Variants in SMAD3 observed in about 807,000 individuals in gnomAD.
The protein encoded by SMAD3 is SMAD family member 3.
A neutral mutation model predicts 51.8 loss-of-function variants in SMAD3; 12 were observed. The observed-to-expected ratio is 0.23, with a 90% CI of 0.15 to 0.38. SMAD3 has a LOEUF of 0.38. Among genes scored for constraint, SMAD3 ranks in the 10% least tolerant of loss-of-function variants. The pLI, the probability that SMAD3 is intolerant of heterozygous loss-of-function variation, is 1.00. For missense variants in SMAD3, 294 were observed against 565.6 expected (o/e 0.52, Z 4.87); for synonymous variants, 238 against 227.7 (o/e 1.05, Z -0.41).
chr15:67,075,877 T>G (rs1451607877), intron 1 of SMAD3, among the ~76,000 whole-genome samples: 1 of 151,034 alleles, frequency 6.6e-6, no homozygotes. Flanking sequence ...ATCGCACCAT[T>G]GTACTCCAGC....
At chr15:67,122,306 G>A (rs1167422721) in intron 1 of SMAD3, among the ~76,000 whole-genome samples, 1 of 152,174 alleles carries the variant, frequency 6.6e-6, no homozygotes, top group African/African-American at 2.4e-5. Flanking sequence ...GTTAGCCTGG[G>A]GGTACTGTGC....
At chr15:67,141,414 T>A (rs1961817643) in intron 1 of SMAD3, among the ~76,000 whole-genome samples, 1 of 152,158 alleles carries the variant, frequency 6.6e-6, no homozygotes. Context: ...TGGGAGGAAC[T>A]TCAGTGGGGG....
chr15:67,073,142 C>T (rs1960092972), intron 1 of SMAD3, among the ~76,000 whole-genome samples: 1 of 151,722 alleles, frequency 6.6e-6, no homozygotes, highest in Non-Finnish European at 1.5e-5. Flanking sequence ...ACCACATCCC[C>T]CAAGCTCTGC....
intron 1 of SMAD3, among the ~76,000 whole-genome samples, chr15:67,122,323 G>A (rs1961283552): frequency 6.6e-6 from 1 of 152,226 alleles, no homozygotes; most frequent in African/African-American, 2.4e-5. Context: ...GTGCGGGTCA[G>A]CTCTTTTGCT....
At chr15:67,139,956 T>TA (rs11299358) in intron 1 of SMAD3, among the ~76,000 whole-genome samples, 76,776 of 150,556 alleles carry the variant, frequency 0.51, 19,539 homozygotes, top group East Asian at 0.64. Context: ...CCGTCTCTAC[T>TA]AAAAAAAAAT....
chr15:67,145,469 T>C (rs1961950675), intron 1 of SMAD3, among the ~76,000 whole-genome samples: 1 of 152,152 alleles, frequency 6.6e-6, no homozygotes, highest in South Asian at 2.1e-4. Flanking sequence ...AAAGACAAAA[T>C]AATTCTCCCA....
chr15:67,184,902 C>T, intron 7 of SMAD3, 38 bp downstream of exon 7: 1 of 1,611,770 alleles, frequency 6.2e-7, no homozygotes, highest in Non-Finnish European at 8.5e-7. Context: ...CTTGAGGTCC[C>T]TCTCCGAGTG....
intron 1 of SMAD3, among the ~76,000 whole-genome samples, chr15:67,107,467 T>A (rs1480839421): frequency 6.6e-6 from 1 of 152,124 alleles, no homozygotes; most frequent in Admixed American, 6.5e-5. Flanking sequence ...TGCCATGCCC[T>A]CCTGCCCTCC....
intron 3 of SMAD3, chr15:67,166,523 C>G (rs139127443): frequency 1.7e-6 from 1 of 576,554 alleles, no homozygotes; most frequent in Non-Finnish European, 3.1e-6. Flanking sequence ...GGCAGAGGCT[C>G]TAGGAGTACA....
chr15:67,116,764 G>T (rs1416576573), intron 1 of SMAD3, among the ~76,000 whole-genome samples: 1 of 152,198 alleles, frequency 6.6e-6, no homozygotes, highest in African/African-American at 2.4e-5. Flanking sequence ...GACCCTTGGT[G>T]ATGGGGGTAT....
At chr15:67,177,253 G>C (rs1341906049) in intron 5 of SMAD3, among the ~76,000 whole-genome samples, 1 of 152,022 alleles carries the variant, frequency 6.6e-6, no homozygotes, top group South Asian at 2.1e-4. Flanking sequence ...TTTTTGTCTT[G>C]TCTACTAGGA....
At chr15:67,076,233 C>T (rs575750502) in intron 1 of SMAD3, among the ~76,000 whole-genome samples, 5 of 152,250 alleles carry the variant, frequency 3.3e-5, no homozygotes, top group South Asian at 4.1e-4. Flanking sequence ...TATTCTTAGG[C>T]GGTTCTGCCC....
At chr15:67,171,953 A>G (rs72743477) in intron 5 of SMAD3, among the ~76,000 whole-genome samples, 25,617 of 152,148 alleles carry the variant, frequency 0.17, 2,507 homozygotes, top group Non-Finnish European at 0.22. Context: ...TTTATTTTCT[A>G]TGGCATTTAA....
At chr15:67,087,340 G>C (rs572220947) in intron 1 of SMAD3, among the ~76,000 whole-genome samples, 1 of 152,110 alleles carries the variant, frequency 6.6e-6, no homozygotes, top group African/African-American at 2.4e-5. Flanking sequence ...GTCTGCAAGT[G>C]GGGGGGTGTT....
chr15:67,116,414 C>T (rs1203326502), intron 1 of SMAD3, among the ~76,000 whole-genome samples: 1 of 152,180 alleles, frequency 6.6e-6, no homozygotes, highest in African/African-American at 2.4e-5. Context: ...ATGTGGCCTC[C>T]GGTAAGGAAT....
At chr15:67,187,807 G>A (rs953338654) in intron 8 of SMAD3, among the ~76,000 whole-genome samples, 3 of 152,212 alleles carry the variant, frequency 2.0e-5, no homozygotes, top group Non-Finnish European at 4.4e-5. Context: ...GTACAGATGA[G>A]AGAACTAAGG....
At chr15:67,125,178 C>T (rs920898704) in intron 1 of SMAD3, among the ~76,000 whole-genome samples, 6 of 152,168 alleles carry the variant, frequency 3.9e-5, no homozygotes, top group African/African-American at 1.4e-4. Context: ...ACTGCTGGGC[C>T]GGACCTTCCC....
At chr15:67,157,960 G>A (rs1962328439) in intron 1 of SMAD3, among the ~76,000 whole-genome samples, 1 of 152,178 alleles carries the variant, frequency 6.6e-6, no homozygotes. Context: ...ACCTTTGGGG[G>A]TCTCTCATCA....
intron 1 of SMAD3, among the ~76,000 whole-genome samples, chr15:67,075,148 T>A (rs1322564746): frequency 6.6e-6 from 1 of 152,238 alleles, no homozygotes; most frequent in African/African-American, 2.4e-5. Flanking sequence ...AAATCACCTC[T>A]GGGCTAAGCC....
Sources: gnomAD v4.1 joint callset for allele counts (sites outside exome capture counted in the v4.1 genomes callset) on GRCh38, gnomAD v4.1.1 for gene constraint, MANE v1.5 for transcripts, NCBI Gene and HGNC (gene_info 2026-07-23, HGNC 2026-07-21) for gene names.